Variants in ZNF404 observed in about 807,000 individuals in gnomAD.
ZNF404 encodes the protein zinc finger protein 404.
In ZNF404, 7 loss-of-function variants were observed where a neutral mutation model predicts 7.3. The observed-to-expected ratio is 0.95, with a 90% confidence interval of 0.54 to 1.79. The LOEUF is 1.79. ZNF404 is among the 40% of genes most tolerant of loss of function. The pLI, the probability that ZNF404 is intolerant of heterozygous loss-of-function variation, is 0.00. For missense variants in ZNF404, 560 were observed against 661.5 expected (o/e 0.85, Z 1.68); for synonymous variants, 191 against 209.9 (o/e 0.91, Z 0.78).
At chr19:43,874,396 C>T (rs1201688664) in intron 2 of ZNF404, among the ~76,000 whole-genome samples, 1 of 152,058 alleles carries the variant, frequency 6.6e-6, no homozygotes, top group Admixed American at 6.5e-5. Context: ...CTGAGTGGAT[C>T]AGAATGCACA....
At chr19:43,879,467 T>C (rs992738049) in intron 2 of ZNF404, among the ~76,000 whole-genome samples, 1 of 152,166 alleles carries the variant, frequency 6.6e-6, no homozygotes, top group African/African-American at 2.4e-5. Context: ...TTCCAAAAAC[T>C]GAACAAAGAC....
At chr19:43,882,727 G>T (rs908395682) in intron 1 of ZNF404, among the ~76,000 whole-genome samples, 16 of 151,258 alleles carry the variant, frequency 1.1e-4, no homozygotes, top group African/African-American at 3.9e-4. Context: ...GGAGTTTGAG[G>T]CTGCGGTAAA....
chr19:43,880,461 TTAA>T (rs1372035115), intron 1 of ZNF404, among the ~76,000 whole-genome samples: 3 of 152,198 alleles, frequency 2.0e-5, no homozygotes, highest in Non-Finnish European at 4.4e-5. Context: ...CCATATAATA[TTAA>T]TAAATACAAG....
rs1232896696 is a variant in ZNF404, at chr19:43,873,943, G to A, written c.271C>T (p.Gln91Ter). 6.2e-7 allele frequency: 1 copy of A among 1,613,150 alleles called. No homozygotes were observed. ...LMRFIFRTDPQYTIEFGRQQR... is the reference protein window; with the variant it reads ...LMRFIFRTDP ...TGTCTCCCAAATTCAATTGTGTACT[G>A]TGGGTCAGTTCTGAAAATAAACCTC... Residue 91 changes from glutamine to a stop codon, truncating the protein, a stop_gained, in exon 3 of 3, where the codon CAG (glutamine) becomes TAG (stop). Transcript: ENST00000587539. LOFTEE classifies it low-confidence loss of function (END_TRUNC).
intron 1 of ZNF404, among the ~76,000 whole-genome samples, chr19:43,880,948 C>G (rs918211102): frequency 5.9e-5 from 9 of 152,274 alleles, no homozygotes; most frequent in Middle Eastern, 3.4e-3. Context: ...AAAAATCAAT[C>G]AAGGTAATGC....
rs747390538 is a variant in ZNF404, at chr19:43,873,167, A to G, written c.1047T>C (p.His349=). 1 of 1,613,674 alleles carries G rather than the reference A, an allele frequency of 6.2e-7. No homozygotes were observed. Among genetic ancestry groups the G allele is most frequent in the Non-Finnish European group, 8.5e-7 (1 of 1,179,706 alleles). The stretch of plus-strand genomic sequence containing the variant: ...TACAATCATAGAGTTTCTCACTACT[A>G]TGAATTCTCTTATGTTTAAGAAGGC... The part of the protein sequence containing the change: ...GSSLLKHKRI[H]SSEKLYDCKD... Residue 349 remains histidine, a synonymous_variant, in exon 3 of 3, where the codon CAT becomes CAC. Transcript: ENST00000587539.
rs192710212 is a variant in ZNF404, at chr19:43,880,072, G to T, written c.74C>A (p.Ser25Ter). 7 of 1,613,498 alleles carry T rather than the reference G, an allele frequency of 4.3e-6. No individual in the cohort carries two copies. Among genetic ancestry groups the T allele is most frequent in the Non-Finnish European group, 5.9e-6 (7 of 1,179,606 alleles). Residue 25 changes from serine (S) to a stop codon, truncating the protein, a stop_gained, in exon 2 of 3, where the codon TCG (serine) becomes TAG (stop). Transcript: ENST00000587539. LOFTEE classifies it high-confidence loss of function. Reference sequence around the variant, plus strand: ...ATCTCTGTACAAATCCCTCTGATCCGAGTTTAAATATTCCCACTCCTCCTG... The same window carrying T: ...ATCTCTGTACAAATCCCTCTGATCCTAGTTTAAATATTCCCACTCCTCCTG... ...FSQEEWEYLN[S>*]DQRDLYRDVM...
chr19:43,875,208 T>G (rs1421190609), intron 2 of ZNF404, among the ~76,000 whole-genome samples: 1 of 152,220 alleles, frequency 6.6e-6, no homozygotes, highest in South Asian at 2.1e-4. Context: ...GTTCATTCTT[T>G]CCTTTGCATA....
chr19:43,878,812 G>C (rs1417977637), intron 2 of ZNF404, among the ~76,000 whole-genome samples: 2 of 152,166 alleles, frequency 1.3e-5, no homozygotes, highest in Non-Finnish European at 2.9e-5. Flanking sequence ...AGAGGTAGCT[G>C]AGCATTATCA....
intron 1 of ZNF404, among the ~76,000 whole-genome samples, chr19:43,882,562 G>A (rs1174714304): frequency 7.2e-5 from 11 of 152,074 alleles, no homozygotes; most frequent in African/African-American, 2.7e-4. Context: ...ATACACTGTT[G>A]GTGGGAATGT....
At chr19:43,877,637 G>T (rs1021676837) in intron 2 of ZNF404, among the ~76,000 whole-genome samples, 2 of 149,918 alleles carry the variant, frequency 1.3e-5, no homozygotes, top group African/African-American at 2.5e-5. Flanking sequence ...CATTGTGCAG[G>T]TTAGTTACAT....
rs370001370 is a variant in ZNF404, at chr19:43,873,097, G to T, written c.1117C>A (p.His373Asn). 13 of 1,612,914 alleles carry T rather than the reference G, an allele frequency of 8.1e-6. No individual in the cohort carries two copies. Among genetic ancestry groups the T allele is most frequent in the Non-Finnish European group, 1.1e-5 (13 of 1,179,472 alleles). The change falls in exon 3 of 3, where the codon CAT becomes AAT. Residue 373 changes from histidine (H) to asparagine (N), a missense_variant. Transcript: ENST00000587539. Reference protein sequence around the residue: ...AFCRGSQLTQHQRIHTGEKPH... With the variant: ...AFCRGSQLTQNQRIHTGEKPH... ...TTCTCACCAGTATGAATTCTCTGATGCTGTGTAAGTTGAGAGCCTCTACAA... is the reference window on the plus strand; with the variant it reads ...TTCTCACCAGTATGAATTCTCTGATTCTGTGTAAGTTGAGAGCCTCTACAA...
At chr19:43,882,974 GC>G (rs1184371765) in intron 1 of ZNF404, among the ~76,000 whole-genome samples, 1 of 151,774 alleles carries the variant, frequency 6.6e-6, no homozygotes, top group Non-Finnish European at 1.5e-5. Context: ...GGTGGCAGGT[GC>G]CTGTAATCCT....
In ZNF404 at chr19:43,873,279, T is replaced by G. The variant is rs1320080701; in HGVS notation, c.935A>C (p.Tyr312Ser). 1 of 1,613,646 alleles carries G rather than the reference T, an allele frequency of 6.2e-7. No homozygotes were observed. Among genetic ancestry groups the G allele is most frequent in the Non-Finnish European group, 8.5e-7 (1 of 1,179,690 alleles). Residue 312 changes from tyrosine to serine, a missense_variant, in exon 3 of 3, where the codon TAT becomes TCT. Transcript: ENST00000587539. ...ACTTCTTTGATGTTCAACAAGTAGATAGCTGCGAACAAAGGCCTTTTCACA... is the reference window on the plus strand; with the variant it reads ...ACTTCTTTGATGTTCAACAAGTAGAGAGCTGCGAACAAAGGCCTTTTCACA... ...EQCEKAFVRSYLLVEHQRSHT... is the reference protein window; with the variant it reads ...EQCEKAFVRSSLLVEHQRSHT...
At chr19:43,883,788 G>A (rs1448027608) in intron 1 of ZNF404, among the ~76,000 whole-genome samples, 168 bp downstream of exon 1, 2 of 152,110 alleles carry the variant, frequency 1.3e-5, no homozygotes, top group African/African-American at 4.8e-5. Flanking sequence ...GTTCAAAAAA[G>A]GAGGGCAAAT....
intron 2 of ZNF404, among the ~76,000 whole-genome samples, chr19:43,879,659 G>A (rs538564427): frequency 3.9e-5 from 6 of 152,218 alleles, no homozygotes; most frequent in Non-Finnish European, 8.8e-5. Context: ...AGCAATTAAA[G>A]TATTTACAGA....
chr19:43,880,118 C>T lies in ZNF404; in HGVS notation c.28G>A (p.Asp10Asn), dbSNP rs780691955. The change falls in exon 2 of 3, where the codon GAT becomes AAT. Residue 10 changes from aspartate to asparagine, a missense_variant. Coordinates refer to ENST00000587539, the MANE Select transcript of ZNF404 (RefSeq NM_001033719.3). Reference protein sequence around the residue: MARVPLTFSDVAIDFSQEEW... With the variant: MARVPLTFSNVAIDFSQEEW... ...TCCTGAGAGAAGTCTATGGCAACAT[C>T]GCTGAATGTCAATGGCACCTGAAAT... 2.8e-5 allele frequency: 45 copies of T among 1,611,546 alleles called. No individual in the cohort carries two copies. Among genetic ancestry groups the T allele is most frequent in the Admixed American group, 2.3e-4 (14 of 59,664 alleles).
intron 2 of ZNF404, 139 bp downstream of exon 2, chr19:43,879,871 G>T: frequency 9.7e-7 from 1 of 1,027,200 alleles, no homozygotes; most frequent in Non-Finnish European, 1.5e-6. Flanking sequence ...CTTCAAATAT[G>T]CCCATTTCCA....
intron 2 of ZNF404, among the ~76,000 whole-genome samples, chr19:43,876,436 A>T (rs1971850755): frequency 6.6e-6 from 1 of 152,304 alleles, no homozygotes; most frequent in Admixed American, 6.5e-5. Context: ...AACACATACA[A>T]ACCATTATTT....
Sources: allele counts gnomAD v4.1 joint callset (sites outside exome capture counted in the v4.1 genomes callset), GRCh38; gene constraint gnomAD v4.1.1; transcripts MANE v1.5; gene names NCBI Gene and HGNC (gene_info 2026-07-23, HGNC 2026-07-21).